Variants in IFT74 observed in about 807,000 individuals in gnomAD.
IFT74 encodes intraflagellar transport protein 74 homolog.
IFT74 carries 92 observed loss-of-function variants against 96.7 expected under a neutral mutation model. That is an observed-to-expected ratio of 0.95 (90% CI 0.80 to 1.13). The LOEUF (loss-of-function observed/expected upper bound fraction) is 1.13. Among genes scored for constraint, IFT74 ranks in the 50% most tolerant of loss-of-function variants. The pLI, the probability that IFT74 is intolerant of heterozygous loss-of-function variation, is 0.00. For missense variants in IFT74, 811 were observed against 698.2 expected (o/e 1.16, Z -1.82); for synonymous variants, 223 against 213.2 (o/e 1.05, Z -0.40).
intron 4 of IFT74, 142 bp from the exon 5 acceptor site, chr9:26,984,115 A>G (rs368663485): frequency 6.3e-6 from 4 of 639,510 alleles, no homozygotes; most frequent in African/African-American, 1.9e-5. Context: ...GAAATAAGCC[A>G]CCTAAACTTT....
intron 13 of IFT74, among the ~76,000 whole-genome samples, chr9:27,030,353 A>C (rs1269825665): frequency 6.6e-6 from 1 of 152,142 alleles, no homozygotes; most frequent in Admixed American, 6.5e-5. Context: ...CAGCCTCCTG[A>C]GTAGCTGGGA....
intron 13 of IFT74, among the ~76,000 whole-genome samples, chr9:27,032,977 A>G (rs1004861175): frequency 7.9e-5 from 12 of 152,196 alleles, no homozygotes; most frequent in African/African-American, 2.9e-4. Context: ...TGTATTTAAC[A>G]TGAAAAATGC....
At chr9:27,047,242 C>A in intron 14 of IFT74, 32 bp from the exon 15 acceptor site, 3 of 1,272,946 alleles carry the variant, frequency 2.4e-6, no homozygotes, top group Non-Finnish European at 3.4e-6. Context: ...ACTCTATCAG[C>A]AGTAATCTCT....
intron 8 of IFT74, among the ~76,000 whole-genome samples, chr9:27,003,629 C>G: frequency 6.6e-6 from 1 of 152,296 alleles, no homozygotes; most frequent in African/African-American, 2.4e-5. Context: ...TAGTGCTAGT[C>G]TGTTCTAGTC....
upstream of IFT74, among the ~76,000 whole-genome samples, chr9:26,952,430 C>A (rs1033034397): frequency 1.3e-5 from 2 of 152,036 alleles, no homozygotes; most frequent in Non-Finnish European, 2.9e-5. Flanking sequence ...GCGTCTGTCA[C>A]CATGCCCGGC....
chr9:27,006,900 A>G (rs569223053), intron 8 of IFT74, among the ~76,000 whole-genome samples: 2 of 132,680 alleles, frequency 1.5e-5, no homozygotes, highest in African/African-American at 2.9e-5. Flanking sequence ...GTAGTGGCGC[A>G]GTCTCGGCTC....
In IFT74 at chr9:27,064,209, C is replaced by T. The variant is rs1820539916; in HGVS notation, c.*1473C>T. Among the ~76,000 whole-genome samples, 1 of 152,040 alleles carries T rather than the reference C, an allele frequency of 6.6e-6. No homozygotes were observed. Among genetic ancestry groups the T allele is most frequent in the Non-Finnish European group, 1.5e-5 (1 of 67,962 alleles). Reference sequence around the variant, plus strand: ...TTGTACACCAAATAGACTTCATACACTAAAATAATTTCATCTACTCAAGTC... The same window carrying T: ...TTGTACACCAAATAGACTTCATACATTAAAATAATTTCATCTACTCAAGTC... On this transcript the variant is annotated 3_prime_UTR_variant, in exon 20 of 20. Transcript: ENST00000380062.
intron 2 of IFT74, among the ~76,000 whole-genome samples, chr9:26,965,823 A>T (rs1446840913): frequency 6.6e-6 from 1 of 151,666 alleles, no homozygotes; most frequent in Non-Finnish European, 1.5e-5. Context: ...CTGTTATCTC[A>T]CTCTGTATGT....
At chr9:27,036,738 C>T (rs1819218184) in intron 13 of IFT74, 1 of 1,232,470 alleles carries the variant, frequency 8.1e-7, no homozygotes, top group Non-Finnish European at 1.0e-6. Context: ...CCCTTACAGA[C>T]TAAGAGAGAG....
intron 8 of IFT74, among the ~76,000 whole-genome samples, chr9:27,007,119 G>A (rs1340187277): frequency 6.6e-6 from 1 of 152,058 alleles, no homozygotes; most frequent in Non-Finnish European, 1.5e-5. Flanking sequence ...TTACAGGCAT[G>A]AGCCACCATG....
chr9:26,999,766 TATTC>T, intron 8 of IFT74: 4 of 1,090,130 alleles, frequency 3.7e-6, no homozygotes, highest in Non-Finnish European at 3.8e-6. Flanking sequence ...TGAATCTGTT[TATTC>T]TTTTTTTTTT....
At chr9:26,952,647 C>T (rs1587217699), upstream of IFT74, among the ~76,000 whole-genome samples, 2 of 152,328 alleles carry the variant, frequency 1.3e-5, no homozygotes, top group Non-Finnish European at 2.9e-5. Context: ...AAAGGATGCA[C>T]ATTTTCAAAC....
chr9:26,979,599 T>C (rs996223182), intron 3 of IFT74, among the ~76,000 whole-genome samples: 3 of 151,934 alleles, frequency 2.0e-5, no homozygotes, highest in Admixed American at 2.0e-4. Context: ...TACCTCTACT[T>C]CTCAGCATAG....
At chr9:27,041,235 C>T (rs1195853337) in intron 13 of IFT74, among the ~76,000 whole-genome samples, 2 of 152,122 alleles carry the variant, frequency 1.3e-5, no homozygotes, top group African/African-American at 2.4e-5. Context: ...CGATAAAGTA[C>T]CTTGCTGGTA....
chr9:26,952,452 T>C (rs766488020), upstream of IFT74, among the ~76,000 whole-genome samples: 2 of 152,054 alleles, frequency 1.3e-5, no homozygotes, highest in Non-Finnish European at 2.9e-5. Flanking sequence ...AATTTTTGTA[T>C]GTTTAGTAGA....
Position 27,044,787 on chromosome 9 carries a change from A to T in IFT74, c.1100A>T (p.His367Leu). Residue 367 changes from histidine (H) to leucine (L), a missense_variant, in exon 14 of 20, where the codon CAT becomes CTT. Physicochemically the swap from His to Leu is moderately conservative, Grantham distance 99 (BLOSUM62 -3). Transcript: ENST00000380062. ...AAGGAGCTAAAGAAAAGGGAGGAAC[A>T]TATGGACAGTAAGTGATATTCTTGT... ...KYKELKKREEHMDTFIETFEE... is the reference protein window; with the variant it reads ...KYKELKKREELMDTFIETFEE... 6.5e-7 allele frequency: 1 copy of T among 1,529,568 alleles called. No homozygotes were observed. The highest frequency in any genetic ancestry group is 9.0e-7 in the Non-Finnish European group (1 of 1,113,250). 94.7% of individuals were successfully genotyped at this position (1,529,568 alleles called of 1,614,324 possible).
chr9:26,995,461 C>T, intron 8 of IFT74: 1 of 968,670 alleles, frequency 1.0e-6, no homozygotes, highest in Non-Finnish European at 1.5e-6. Flanking sequence ...ATAGCAAAAT[C>T]TCCATATCTA....
chr9:27,049,169 A>T (rs964731751), intron 16 of IFT74, among the ~76,000 whole-genome samples: 12 of 152,166 alleles, frequency 7.9e-5, no homozygotes, highest in Non-Finnish European at 1.2e-4. Context: ...TGCTGGCACC[A>T]TGTTTCATGT....
intron 10 of IFT74, among the ~76,000 whole-genome samples, chr9:27,013,549 T>C (rs1170522550): frequency 6.6e-6 from 1 of 152,228 alleles, no homozygotes; most frequent in Admixed American, 6.5e-5. Flanking sequence ...TTATTTCCCC[T>C]GCATTCACTG....
Sources: allele counts gnomAD v4.1 joint callset (sites outside exome capture counted in the v4.1 genomes callset), GRCh38; gene constraint gnomAD v4.1.1; transcripts MANE v1.5; gene names NCBI Gene and HGNC (gene_info 2026-07-23, HGNC 2026-07-21).